The following KHDC1 variants were observed in gnomAD, a reference collection of about 807,000 sequenced individuals.
KHDC1 encodes KH homology domain-containing protein 1.
KHDC1 carries 21 observed loss-of-function variants against 24.7 expected under a neutral mutation model. The observed-to-expected ratio is 0.85, with a 90% CI of 0.60 to 1.23. The LOEUF (loss-of-function observed/expected upper bound fraction) is 1.23. KHDC1 is among the 50% of genes most tolerant of loss of function. KHDC1 has a pLI of 0.00. For missense variants in KHDC1, 274 were observed against 298.5 expected, an observed-to-expected ratio of 0.92 and a Z score of 0.61; for synonymous variants, 98 against 111.7, an observed-to-expected ratio of 0.88 and a Z score of 0.77.
At chr6:73,263,673 T>C (rs746045659) in intron 2 of KHDC1, among the ~76,000 whole-genome samples, 23 of 151,694 alleles carry the variant, frequency 1.5e-4, no homozygotes, top group Non-Finnish European at 2.6e-4. Flanking sequence ...ACATCCCCAG[T>C]GGATGCCTCC....
At chr6:73,290,970 C>T (rs1368609716) in intron 2 of KHDC1, 3 of 350,452 alleles carry the variant, frequency 8.6e-6, no homozygotes, top group African/African-American at 2.1e-5. Context: ...ATGTGTTGCA[C>T]CATCTCCCAT....
chr6:73,292,334 C>T, intron 1 of KHDC1: 1 of 915,940 alleles, frequency 1.1e-6, no homozygotes, highest in East Asian at 2.4e-5. Flanking sequence ...TGGTTTTAGG[C>T]AGGAGTATTT....
intron 2 of KHDC1, chr6:73,263,076 G>T (rs943949467): frequency 4.5e-6 from 3 of 672,974 alleles, no homozygotes; most frequent in Non-Finnish European, 5.6e-6. Context: ...CGGCAGCGGC[G>T]GCAGCGGCTG....
rs544476875 is a variant in KHDC1 at position 73,263,039 on chromosome 6, G to GGGC, written c.207-20512_207-20510dup. 1,419 of 965,762 alleles carry GGGC rather than the reference G, an allele frequency of 1.5e-3. 17 individuals carry two copies. The African/African-American group carries it at 0.023, about 16-fold the overall frequency. The allele number at this position is 965,762 out of a possible 1,614,324, so 59.8% of individuals were successfully genotyped here. A position where few individuals can be genotyped will look rare whatever the true frequency, so the allele number is the denominator to read the frequency against. Reference sequence around the variant, plus strand: ...GCAGGCCTGGGCCACTCCCTGAGTAGGGCGGCGGCGGCGGCGGCGGCGGCG... The same window carrying GGGC: ...GCAGGCCTGGGCCACTCCCTGAGTAGGGCGGCGGCGGCGGCGGCGGCGGCGGCG... On this transcript the variant is annotated intron_variant, in intron 2 of 4. Coordinates refer to ENST00000370384, the Ensembl canonical transcript of KHDC1.
chr6:73,304,976 A>T (rs1323051252), intron 1 of KHDC1, among the ~76,000 whole-genome samples: 1 of 152,174 alleles, frequency 6.6e-6, no homozygotes, highest in East Asian at 1.9e-4. Context: ...AGTGCTTCAC[A>T]CTTGTAATCC....
At chr6:73,272,951 C>T (rs1420139421) in intron 2 of KHDC1, among the ~76,000 whole-genome samples, 10 of 143,112 alleles carry the variant, frequency 7.0e-5, no homozygotes. Flanking sequence ...CTCCACCTCC[C>T]AGGTTCAAGT....
chr6:73,290,583 T>G (rs147979020), intron 2 of KHDC1: 54 of 512,010 alleles, frequency 1.1e-4, no homozygotes, highest in African/African-American at 1.0e-3. Context: ...TGGGAGAAGC[T>G]TCTGCTGGCA....
intron 2 of KHDC1, among the ~76,000 whole-genome samples, chr6:73,266,799 T>A (rs1767083501): frequency 6.6e-6 from 1 of 152,024 alleles, no homozygotes; most frequent in Non-Finnish European, 1.5e-5. Context: ...TCAAGGAACA[T>A]GAAGAAGAAT....
chr6:73,246,973 C>G (rs1766679760), intron 2 of KHDC1, among the ~76,000 whole-genome samples: 1 of 148,254 alleles, frequency 6.7e-6, no homozygotes, highest in African/African-American at 2.5e-5. Context: ...AATAAGTCAA[C>G]TTTTTTTTTT....
chr6:73,246,768 CCAAA>C (rs915953241), intron 2 of KHDC1, among the ~76,000 whole-genome samples: 4 of 152,006 alleles, frequency 2.6e-5, no homozygotes, highest in South Asian at 2.1e-4. Context: ...AGCTTGGTAA[CCAAA>C]CAAATACTCA....
chr6:73,307,247 G>C (rs1000944854), intron 1 of KHDC1, among the ~76,000 whole-genome samples: 1 of 151,936 alleles, frequency 6.6e-6, no homozygotes. Context: ...GGACAAGATG[G>C]TGAAACCCCG....
chr6:73,262,807 A>T (rs1227592884), intron 2 of KHDC1: 31 of 985,438 alleles, frequency 3.1e-5, no homozygotes, highest in Non-Finnish European at 7.2e-6. Flanking sequence ...CACGCAACTC[A>T]CTGACTCAAC....
chr6:73,254,956 C>T (rs1054339104), intron 2 of KHDC1, among the ~76,000 whole-genome samples: 19 of 151,100 alleles, frequency 1.3e-4, no homozygotes, highest in Admixed American at 6.6e-5. Flanking sequence ...GAGTGGAGAT[C>T]GCGCCATTGC....
chr6:73,309,573 G>T, exon 1 of KHDC1: 2 of 1,530,684 alleles, frequency 1.3e-6, no homozygotes, highest in Non-Finnish European at 1.8e-6. Context: ...CGGATCCAAA[G>T]GTGGAAAGAC....
At chr6:73,272,608 C>G (rs1767200982) in intron 2 of KHDC1, among the ~76,000 whole-genome samples, 1 of 151,548 alleles carries the variant, frequency 6.6e-6, no homozygotes, top group African/African-American at 2.4e-5. Flanking sequence ...GACCCTGTCT[C>G]TACTAAAAAT....
intron 2 of KHDC1, among the ~76,000 whole-genome samples, chr6:73,257,318 A>G (rs1213906951): frequency 1.3e-5 from 2 of 152,218 alleles, no homozygotes; most frequent in Non-Finnish European, 2.9e-5. Flanking sequence ...AAAGCAAGGC[A>G]TGGCCTTCCT....
chr6:73,256,739 G>A (rs987755205), intron 2 of KHDC1, among the ~76,000 whole-genome samples: 13 of 152,056 alleles, frequency 8.5e-5, no homozygotes, highest in African/African-American at 2.7e-4. Flanking sequence ...CCACACTCCC[G>A]TTATCCCCAT....
intron 2 of KHDC1, among the ~76,000 whole-genome samples, chr6:73,254,640 G>C (rs1766847666): frequency 6.6e-6 from 1 of 152,008 alleles, no homozygotes; most frequent in Non-Finnish European, 1.5e-5. Context: ...TATCTATACA[G>C]AAAAAAGAAG....
intron 2 of KHDC1, among the ~76,000 whole-genome samples, chr6:73,258,118 G>A (rs1192059776): frequency 6.6e-6 from 1 of 152,168 alleles, no homozygotes; most frequent in Non-Finnish European, 1.5e-5. Flanking sequence ...AGCTGGGCGT[G>A]GTGGTGCACA....
Sources: gnomAD v4.1 joint callset for allele counts (sites outside exome capture counted in the v4.1 genomes callset) on GRCh38, gnomAD v4.1.1 for gene constraint, MANE v1.5 for transcripts, NCBI Gene and HGNC (gene_info 2026-07-23, HGNC 2026-07-21) for gene names.